DPEP1: variants seen among roughly 807,000 people sequenced by gnomAD.
DPEP1 encodes the protein beta-lactamase.
In DPEP1, 50 loss-of-function variants were observed where a neutral mutation model predicts 42.3. That is an observed-to-expected ratio of 1.18 (90% CI 0.94 to 1.50). The LOEUF is 1.50. Ranked by LOEUF, DPEP1 falls within the 40% of genes most tolerant of loss-of-function variation. DPEP1 has a pLI of 0.00. For synonymous variants in DPEP1, 297 were observed against 234.0 expected, an observed-to-expected ratio of 1.27 and a Z score of -2.46; for missense variants, 663 against 553.0, an observed-to-expected ratio of 1.20 and a Z score of -1.99.
chr16:89,641,282 C>T (rs1238548929), downstream of DPEP1, among the ~76,000 whole-genome samples: 4 of 152,174 alleles, frequency 2.6e-5, no homozygotes, highest in East Asian at 5.8e-4. Context: ...TCTTTTCTAA[C>T]GCGCCCCCGG....
At chr16:89,623,697 C>G (rs61100758) in intron 1 of DPEP1, among the ~76,000 whole-genome samples, 1 of 151,970 alleles carries the variant, frequency 6.6e-6, no homozygotes, top group East Asian at 1.9e-4. Context: ...GGAGACAAAA[C>G]AGAGGAAATG....
chr16:89,624,067 CAG>C (rs924475642), intron 1 of DPEP1, among the ~76,000 whole-genome samples: 1 of 152,122 alleles, frequency 6.6e-6, no homozygotes, highest in Non-Finnish European at 1.5e-5. Context: ...AGTGCACATC[CAG>C]AGAAACTACT....
chr16:89,614,815 C>T (rs995945322), intron 1 of DPEP1, among the ~76,000 whole-genome samples: 1 of 152,042 alleles, frequency 6.6e-6, no homozygotes, highest in South Asian at 2.1e-4. Flanking sequence ...AAAGAAAAAT[C>T]TTCTCCCCGG....
At chr16:89,618,892 T>G (rs899189559) in intron 1 of DPEP1, among the ~76,000 whole-genome samples, 23 of 151,572 alleles carry the variant, frequency 1.5e-4, no homozygotes, top group Non-Finnish European at 2.5e-4. Context: ...ACCCTCTACC[T>G]TTGGCTTCCG....
chr16:89,621,386 G>A (rs989054050), intron 1 of DPEP1, among the ~76,000 whole-genome samples: 13 of 152,150 alleles, frequency 8.5e-5, no homozygotes, highest in African/African-American at 3.1e-4. Flanking sequence ...GGGGGCAGAA[G>A]TGGGGTGCCG....
At chr16:89,639,527 ACCC>A (rs201300746), downstream of DPEP1, among the ~76,000 whole-genome samples, 1,206 of 74,164 alleles carry the variant, frequency 0.016, 42 homozygotes, top group African/African-American at 0.062. Context: ...TTGCACACAC[ACCC>A]CCACCTCTGC....
In DPEP1 at chr16:89,637,505, A is replaced by G; in HGVS notation, c.806A>G (p.Asn269Ser). The change falls in exon 8 of 11, where the codon AAC becomes AGC. Residue 269 changes from asparagine (N) to serine (S), a missense_variant. Physicochemically the swap from Asn to Ser is conservative, Grantham distance 46. Coordinates refer to ENST00000690203, the MANE Select transcript of DPEP1 (RefSeq NM_001389466.1). ...AGCCTGGTGATGGTGAACTTCTACAACAATTACATTTCCTGCACCAACAAG... is the reference window on the plus strand; with the variant it reads ...AGCCTGGTGATGGTGAACTTCTACAGCAATTACATTTCCTGCACCAACAAG... ...TDSLVMVNFY[N>S]NYISCTNKAN... The G allele has an allele frequency of 6.2e-7, 1 of 1,612,800 alleles. No homozygotes were observed. Among genetic ancestry groups the G allele is most frequent in the East Asian group, 2.2e-5 (1 of 44,870 alleles).
chr16:89,630,409 C>T lies in DPEP1; in HGVS notation c.-2C>T, dbSNP rs1281665376. The T allele has an allele frequency of 6.2e-7, 1 of 1,609,736 alleles. No individual in the cohort carries two copies. Among genetic ancestry groups the T allele is most frequent in the African/African-American group, 1.3e-5 (1 of 74,606 alleles). On this transcript the variant is annotated 5_prime_UTR_variant, in exon 2 of 11. Transcript: ENST00000690203. ...TGCACACAGGTCCCCGGGGACCCCA[C>T]CATGTGGAGCGGATGGTGGCTGTGG...
downstream of DPEP1, among the ~76,000 whole-genome samples, chr16:89,641,228 G>T (rs164751): frequency 0.33 from 50,658 of 152,114 alleles, 10,279 homozygotes; most frequent in Middle Eastern, 0.61. Context: ...TGCGGGGGGG[G>T]GTTGACTGAT....
At chr16:89,616,880 G>A (rs77110324) in intron 1 of DPEP1, 10,296 of 241,458 alleles carry the variant, frequency 0.043, 325 homozygotes, top group Non-Finnish European at 0.065. Flanking sequence ...GGCAGGAAGC[G>A]GCCGGGAAGC....
In DPEP1 at chr16:89,638,144, G is replaced by T; in HGVS notation, c.1158G>T (p.Gly386=). 6.2e-7 allele frequency: 1 copy of T among 1,611,132 alleles called. No individual in the cohort carries two copies. Among genetic ancestry groups the T allele is most frequent in the South Asian group, 1.1e-5 (1 of 91,026 alleles). The stretch of plus-strand genomic sequence containing the variant: ...GGACCCATTACGGCTACTCCTCTGG[G>T]GCTTCCAGCCTCCATCGCCACTGGG... ...SCRTHYGYSS[G]ASSLHRHWGL... is the part of the protein sequence containing the mutation. The change falls in exon 11 of 11, where the codon GGG becomes GGT. Residue 386 remains glycine, a synonymous_variant. Transcript: ENST00000690203.
chr16:89,636,196 C>T (rs1210111774), intron 3 of DPEP1, 68 bp from the exon 4 acceptor site: 7 of 1,563,096 alleles, frequency 4.5e-6, no homozygotes, highest in Non-Finnish European at 6.0e-6. Context: ...AACCAGACTC[C>T]CACAGGCATG....
chr16:89,639,721 C>T (rs1018619615), downstream of DPEP1, among the ~76,000 whole-genome samples: 1 of 147,194 alleles, frequency 6.8e-6, no homozygotes, highest in Non-Finnish European at 1.6e-5. Context: ...AATCTCGCTC[C>T]GTCACCCAGG....
chr16:89,635,896 G>A lies in DPEP1; in HGVS notation c.105-12G>A, dbSNP rs1253647087. 22 of 1,585,280 alleles carry A rather than the reference G, an allele frequency of 1.4e-5. No individual in the cohort carries two copies. The highest frequency in any genetic ancestry group is 9.0e-5 in the East Asian group (4 of 44,650). On this transcript the variant is annotated splice_polypyrimidine_tract_variant and intron_variant, in intron 2 of 10. Transcript: ENST00000690203. The stretch of plus-strand genomic sequence containing the variant: ...CGCCCTGACTGCCTGGCCTCTCCCC[G>A]GCAAACTCCAGGCACAATGACCTCC...
intron 1 of DPEP1, among the ~76,000 whole-genome samples, chr16:89,629,707 T>C (rs1376923665): frequency 6.6e-6 from 1 of 152,178 alleles, no homozygotes; most frequent in African/African-American, 2.4e-5. Flanking sequence ...TGCTGAGTCC[T>C]AGAGAGGCCC....
chr16:89,637,815 G>A, intron 9 of DPEP1, 21 bp from the exon 10 acceptor site: 1 of 1,612,650 alleles, frequency 6.2e-7, no homozygotes, highest in Non-Finnish European at 8.5e-7. Flanking sequence ...GGGGGCCCAG[G>A]TTCTCCTGGC....
chr16:89,635,855 C>T, intron 2 of DPEP1, 53 bp from the exon 3 acceptor site: 2 of 1,545,612 alleles, frequency 1.3e-6, no homozygotes, highest in Non-Finnish European at 1.7e-6. Context: ...CTCGGAAGCC[C>T]CCAGGTCCCA....
intron 1 of DPEP1, among the ~76,000 whole-genome samples, chr16:89,615,884 C>G (rs1228060888): frequency 2.6e-5 from 4 of 152,128 alleles, no homozygotes; most frequent in African/African-American, 4.8e-5. Flanking sequence ...CCGCCCTGGC[C>G]TCTGAGTGTC....
In DPEP1 at chr16:89,637,613, C is replaced by T; in HGVS notation, c.854-19C>T. 1 of 1,612,860 alleles carries T rather than the reference C, an allele frequency of 6.2e-7. No individual in the cohort carries two copies. Among genetic ancestry groups the T allele is most frequent in the Non-Finnish European group, 8.5e-7 (1 of 1,179,986 alleles). ...GGGAGGGCCTCACTCGGGACCCATA[C>T]CTGCTGCTCCCTGGACAGACCATCT... On this transcript the variant is annotated intron_variant, in intron 8 of 10. Coordinates refer to ENST00000690203, the MANE Select transcript of DPEP1 (RefSeq NM_001389466.1).
Sources: gnomAD v4.1 joint callset for allele counts (sites outside exome capture counted in the v4.1 genomes callset) on GRCh38, gnomAD v4.1.1 for gene constraint, MANE v1.5 for transcripts, NCBI Gene and HGNC (gene_info 2026-07-23, HGNC 2026-07-21) for gene names.